Variants in CFAP36 observed in about 807,000 individuals in gnomAD.
CFAP36 encodes the protein cilia- and flagella-associated protein 36.
In CFAP36, 37 loss-of-function variants were observed where a neutral mutation model predicts 50.5. The observed-to-expected ratio is 0.73, with a 90% CI of 0.56 to 0.96. CFAP36 has a LOEUF of 0.96. CFAP36 is among the 50% of genes least tolerant of loss of function. The probability of loss-of-function intolerance (pLI) is 0.00; values close to 1 mark genes in which losing one functional copy is unlikely to be tolerated. For missense variants in CFAP36, 407 were observed against 396.2 expected (o/e 1.03, Z -0.23); for synonymous variants, 138 against 128.2 (o/e 1.08, Z -0.52).
In CFAP36 at chr2:55,523,721, G is replaced by T; in HGVS notation, c.181G>T (p.Val61Phe). 1 of 1,580,024 alleles carries T rather than the reference G, an allele frequency of 6.3e-7. No individual in the cohort carries two copies. The change falls in exon 3 of 10, where the codon GTT becomes TTT. Residue 61 changes from valine to phenylalanine, a missense_variant and splice_region_variant. By Grantham distance (50) the Val-to-Phe change is conservative. Transcript: ENST00000349456. ...TEIHQEYKEL[V>F]EKLLEGYLKE... ...TAAAAGTTAAACTTTGTTTTTTTAG[G>T]TTGAAAAGCTGTTAGAAGGTTACCT...
intron 7 of CFAP36, among the ~76,000 whole-genome samples, chr2:55,539,967 CT>C (rs1684591171): frequency 2.0e-5 from 3 of 152,040 alleles, no homozygotes; most frequent in Non-Finnish European, 2.9e-5. Context: ...TGTTTGTTTT[CT>C]TTTTGTTAAT....
At chr2:55,538,295 C>CTTTTTTTTTTTTTTTTTTTTTTTTT in intron 7 of CFAP36, among the ~76,000 whole-genome samples, 1 of 132,890 alleles carries the variant, frequency 7.5e-6, no homozygotes, top group Non-Finnish European at 1.6e-5. Context: ...TTTCTTTTAT[C>CTTTTTTTTTTTTTTTTTTTTTTTTT]TTTTTTTTTT....
chr2:55,526,211 G>T (rs981544689), intron 3 of CFAP36, among the ~76,000 whole-genome samples: 4 of 152,198 alleles, frequency 2.6e-5, no homozygotes, highest in African/African-American at 9.6e-5. Context: ...CTACTAAATT[G>T]TAAGTCCTTT....
intron 1 of CFAP36, among the ~76,000 whole-genome samples, chr2:55,521,138 G>A (rs1461828770): frequency 6.6e-6 from 1 of 150,774 alleles, no homozygotes; most frequent in Non-Finnish European, 1.5e-5. Context: ...AGTTATTAAA[G>A]TGTTATTTTT....
chr2:55,544,076 TAAGTA>T lies in CFAP36; in HGVS notation c.777+5_777+9del. 1 of 1,613,294 alleles carries T rather than the reference TAAGTA, an allele frequency of 6.2e-7. No homozygotes were observed. The highest frequency in any genetic ancestry group is 8.5e-7 in the Non-Finnish European group (1 of 1,179,806). On this transcript the variant is annotated splice_donor_5th_base_variant and intron_variant, in intron 8 of 9. Transcript: ENST00000349456. ...GCGAGCATTGAAGGACCAATAGCAG[TAAGTA>T]AACGACATCACTTAAGAACTATAAG...
At position 55,544,970 on chromosome 2, in the gene CFAP36, C is replaced by T; in HGVS notation, c.991C>T (p.Leu331Phe). The T allele has an allele frequency of 6.2e-7, 1 of 1,603,688 alleles. No individual in the cohort carries two copies. Among genetic ancestry groups the T allele is most frequent in the Non-Finnish European group, 8.5e-7 (1 of 1,175,328 alleles). ...GCAAACATTACTAAAGAGGAGATTG[C>T]TTGCAGAGAAACTCAAAGAAGAAGT... ...EKQTLLKRRL[L>F]AEKLKEEVIN... is the part of the protein sequence containing the mutation. The change falls in exon 10 of 10, where the codon CTT becomes TTT. Residue 331 changes from leucine (L) to phenylalanine (F), a missense_variant. Transcript: ENST00000349456.
intron 1 of CFAP36, chr2:55,520,618 C>G: frequency 1.7e-6 from 1 of 594,432 alleles, no homozygotes; most frequent in Non-Finnish European, 2.7e-6. Context: ...GTTCTTCAGG[C>G]TTGGAGTTCT....
intron 3 of CFAP36, among the ~76,000 whole-genome samples, chr2:55,528,031 G>A (rs956428782): frequency 2.6e-5 from 4 of 151,324 alleles, no homozygotes; most frequent in African/African-American, 7.3e-5. Flanking sequence ...TTAGCAGGGT[G>A]ATGTGGTACA....
intron 3 of CFAP36, among the ~76,000 whole-genome samples, chr2:55,527,410 C>T (rs1427719468): frequency 1.3e-5 from 2 of 151,842 alleles, no homozygotes; most frequent in African/African-American, 2.4e-5. Context: ...TGGTGAAACC[C>T]GTCTCTACTA....
intron 7 of CFAP36, 56 bp from the exon 8 acceptor site, chr2:55,543,882 C>T (rs2103673061): frequency 2.0e-6 from 3 of 1,506,838 alleles, no homozygotes; most frequent in Non-Finnish European, 2.7e-6. Context: ...CCTAGCCTAA[C>T]ACTTAAAATA....
At chr2:55,522,192 TA>T in intron 2 of CFAP36, 26 bp downstream of exon 2, 1 of 1,192,980 alleles carries the variant, frequency 8.4e-7, no homozygotes, top group Non-Finnish European at 1.2e-6. Context: ...CACTGATTTT[TA>T]AAAGTAATTA....
intron 3 of CFAP36, among the ~76,000 whole-genome samples, chr2:55,526,652 A>G (rs1444173256): frequency 1.3e-5 from 2 of 152,092 alleles, no homozygotes; most frequent in African/African-American, 4.8e-5. Context: ...TGTGTTGTCC[A>G]GGCTGGTCTT....
chr2:55,529,904 C>A (rs1684310997), intron 4 of CFAP36, among the ~76,000 whole-genome samples: 1 of 152,058 alleles, frequency 6.6e-6, no homozygotes, highest in East Asian at 1.9e-4. Flanking sequence ...CCTTGGCCTC[C>A]CAACGTGGCC....
chr2:55,529,928 C>T (rs1684312154), intron 4 of CFAP36, among the ~76,000 whole-genome samples: 1 of 152,160 alleles, frequency 6.6e-6, no homozygotes, highest in Non-Finnish European at 1.5e-5. Flanking sequence ...AGCAGTGGTT[C>T]TTAAGCTTTA....
At chr2:55,520,049 C>A (rs981491464) in intron 1 of CFAP36, 133 bp downstream of exon 1, 2 of 746,772 alleles carry the variant, frequency 2.7e-6, no homozygotes, top group Admixed American at 5.0e-5. Context: ...GGTCTCGTTC[C>A]CCTCACCACC....
chr2:55,532,662 C>T (rs1450470902), intron 4 of CFAP36, among the ~76,000 whole-genome samples: 2 of 152,106 alleles, frequency 1.3e-5, no homozygotes, highest in African/African-American at 4.8e-5. Flanking sequence ...TTATTTCTTA[C>T]AATTGCACTT....
intron 2 of CFAP36, among the ~76,000 whole-genome samples, chr2:55,523,097 C>CAAAAAA (rs1171309942): frequency 3.7e-5 from 4 of 109,182 alleles, no homozygotes; most frequent in Admixed American, 1.0e-4. Flanking sequence ...GACTCTGTCT[C>CAAAAAA]AAAAAAAAAA....
intron 3 of CFAP36, among the ~76,000 whole-genome samples, chr2:55,528,228 G>A (rs1684260754): frequency 6.7e-6 from 1 of 149,374 alleles, no homozygotes; most frequent in East Asian, 1.9e-4. Context: ...TAATCATAAA[G>A]TATTATATTT....
In CFAP36 at chr2:55,522,695, A is replaced by G. The variant is rs552251417; in HGVS notation, c.180+529A>G. ...GAGATGGCGTTTCTCTGTGTTTCCCAGGCTGGTGTGGAACTCCAGAGCTCA... is the reference window on the plus strand; with the variant it reads ...GAGATGGCGTTTCTCTGTGTTTCCCGGGCTGGTGTGGAACTCCAGAGCTCA... On this transcript the variant is annotated intron_variant, in intron 2 of 9. Coordinates refer to ENST00000349456, the MANE Select transcript of CFAP36 (RefSeq NM_080667.7). Among the ~76,000 whole-genome samples, 9 of 152,208 alleles carry G rather than the reference A, an allele frequency of 5.9e-5. 1 individual carries two copies. The highest frequency in any genetic ancestry group is 2.2e-4 in the African/African-American group (9 of 41,574).
Sources: allele counts gnomAD v4.1 joint callset (sites outside exome capture counted in the v4.1 genomes callset), GRCh38; gene constraint gnomAD v4.1.1; transcripts MANE v1.5; gene names NCBI Gene and HGNC (gene_info 2026-07-23, HGNC 2026-07-21).